CDC25C: variants seen among roughly 807,000 people sequenced by gnomAD.
CDC25C encodes the protein M-phase inducer phosphatase 3.
Under a neutral mutation model 52.5 loss-of-function variants are expected in CDC25C, and 48 were observed. That is an observed-to-expected ratio of 0.91 (90% confidence interval 0.72 to 1.16). The LOEUF is 1.16. CDC25C is among the 50% of genes most tolerant of loss of function. The pLI is 0.00. For synonymous variants in CDC25C, 187 were observed against 206.5 expected, an observed-to-expected ratio of 0.91 and a Z score of 0.81; for missense variants, 510 against 566.1, an observed-to-expected ratio of 0.90 and a Z score of 1.01.
chr5:138,315,612 G>A (rs988722845), intron 7 of CDC25C, among the ~76,000 whole-genome samples: 1 of 152,190 alleles, frequency 6.6e-6, no homozygotes. Context: ...GTGTGTATGT[G>A]ATGAGGACAT....
At chr5:138,328,584 G>GT in intron 3 of CDC25C, 55 bp from the exon 4 acceptor site, 2 of 1,441,252 alleles carry the variant, frequency 1.4e-6, no homozygotes, top group South Asian at 2.3e-5. Context: ...CATGCATCCT[G>GT]TTTTTCCTTC....
chr5:138,286,625 G>A lies in CDC25C; in HGVS notation c.1032C>T (p.Ala344=). Residue 344 remains alanine, a synonymous_variant, in exon 12 of 14, where the codon GCC becomes GCT. Coordinates refer to ENST00000323760, the MANE Select transcript of CDC25C (RefSeq NM_001790.5). ...GTTCTTCCTGACTATATAAGTTTAA[G>A]GCTCCCTGTAGAAGAAGAATTTTAG... ...YEYLGGHIQG[A]LNLYSQEELF... 2 of 1,610,400 alleles carry A rather than the reference G, an allele frequency of 1.2e-6. No individual in the cohort carries two copies. The highest frequency in any genetic ancestry group is 1.7e-6 in the Non-Finnish European group (2 of 1,178,226).
intron 7 of CDC25C, among the ~76,000 whole-genome samples, chr5:138,313,644 C>T (rs910708014): frequency 3.3e-5 from 5 of 152,084 alleles, no homozygotes; most frequent in African/African-American, 1.2e-4. Context: ...GTGTCTACTT[C>T]ATTATCAGTC....
chr5:138,315,588 C>T (rs373526577), intron 7 of CDC25C, among the ~76,000 whole-genome samples: 4 of 152,132 alleles, frequency 2.6e-5, no homozygotes, highest in African/African-American at 9.7e-5. Flanking sequence ...TCCTTCATCA[C>T]ACAGTTACCA....
intron 7 of CDC25C, among the ~76,000 whole-genome samples, chr5:138,314,800 T>A (rs1391908463): frequency 2.0e-5 from 3 of 150,424 alleles, no homozygotes; most frequent in Non-Finnish European, 3.0e-5. Flanking sequence ...TTGGTATTTT[T>A]AATAGAGACA....
At chr5:138,320,915 C>CAAAAAAAAAA (rs57923567) in intron 6 of CDC25C, among the ~76,000 whole-genome samples, 1 of 42,228 alleles carries the variant, frequency 2.4e-5, no homozygotes, top group African/African-American at 1.1e-4. Flanking sequence ...GACTCTGTCT[C>CAAAAAAAAAA]AAAAAAAAAA....
intron 9 of CDC25C, among the ~76,000 whole-genome samples, chr5:138,290,281 GA>G (rs11567995): frequency 0.028 from 4,272 of 151,878 alleles, 91 homozygotes; most frequent in Middle Eastern, 0.037. Context: ...CAGTAGGGGG[GA>G]AAAAAAGAGT....
intron 7 of CDC25C, among the ~76,000 whole-genome samples, chr5:138,300,516 T>C (rs898963791): frequency 6.6e-6 from 1 of 152,052 alleles, no homozygotes; most frequent in African/African-American, 2.4e-5. Flanking sequence ...TGAGCCGTGA[T>C]TGTGCTACTG....
intron 7 of CDC25C, among the ~76,000 whole-genome samples, chr5:138,311,248 G>A (rs569602216): frequency 1.3e-5 from 2 of 152,172 alleles, no homozygotes; most frequent in South Asian, 2.1e-4. Flanking sequence ...ACATTAACTC[G>A]AAATGAATCA....
intron 4 of CDC25C, among the ~76,000 whole-genome samples, chr5:138,327,209 C>T (rs1047710400): frequency 2.0e-5 from 3 of 150,688 alleles, no homozygotes; most frequent in East Asian, 3.9e-4. Context: ...GAGCCAAAAT[C>T]GCACCACTGC....
chr5:138,316,103 G>A (rs908568508), intron 7 of CDC25C, among the ~76,000 whole-genome samples: 1 of 152,204 alleles, frequency 6.6e-6, no homozygotes, highest in Non-Finnish European at 1.5e-5. Flanking sequence ...CCGGGAGCAG[G>A]CAGGATCCCT....
chr5:138,320,377 G>A (rs1054433341), intron 6 of CDC25C, among the ~76,000 whole-genome samples: 1 of 151,902 alleles, frequency 6.6e-6, no homozygotes, highest in African/African-American at 2.4e-5. Context: ...TGTTCATAAC[G>A]GCATTACTCA....
chr5:138,292,498 A>AAAAAACAT (rs1554113928), intron 7 of CDC25C, among the ~76,000 whole-genome samples: 8 of 151,830 alleles, frequency 5.3e-5, no homozygotes, highest in Admixed American at 3.9e-4. Context: ...AAAAAAAAAA[A>AAAAAACAT]AAAAACATAA....
At chr5:138,285,877 AC>A (rs1756170192) in intron 13 of CDC25C, 36 bp from the exon 14 acceptor site, 4 of 1,606,710 alleles carry the variant, frequency 2.5e-6, no homozygotes, top group African/African-American at 1.3e-5. Flanking sequence ...GATTCTCTAG[AC>A]TCCTGAACTC....
At chr5:138,309,685 A>G (rs1414405009) in intron 7 of CDC25C, among the ~76,000 whole-genome samples, 1 of 151,592 alleles carries the variant, frequency 6.6e-6, no homozygotes, top group Non-Finnish European at 1.5e-5. Flanking sequence ...CATGCCCTCA[A>G]ACTAACTAAA....
upstream of CDC25C, chr5:138,335,319 T>C (rs963347017): frequency 1.3e-5 from 2 of 152,308 alleles, no homozygotes; most frequent in Non-Finnish European, 2.9e-5. Context: ...GGTTTAGCTT[T>C]CACTGGGTGA....
At position 138,291,782 on chromosome 5, in the gene CDC25C, T is replaced by TTA. The variant is rs11567992; in HGVS notation, c.762+186_762+187dup. ...TATGTATCTATGTTATATAAATATT[T>TTA]TATATATATATATATATTTCACGTG... On this transcript the variant is annotated intron_variant, in intron 8 of 13. Transcript: ENST00000323760. 2.7e-3 allele frequency among the ~76,000 whole-genome samples: 395 copies of TTA among 148,064 alleles called. 4 individuals are homozygous for TTA. The highest frequency in any genetic ancestry group is 7.3e-3 in the African/African-American group (297 of 40,600).
chr5:138,316,148 G>C (rs1455463449), intron 7 of CDC25C, among the ~76,000 whole-genome samples: 1 of 152,214 alleles, frequency 6.6e-6, no homozygotes, highest in Non-Finnish European at 1.5e-5. Flanking sequence ...GCCCTCCCAG[G>C]TGCAGGACCT....
intron 7 of CDC25C, among the ~76,000 whole-genome samples, chr5:138,317,639 C>T (rs931182092): frequency 1.4e-5 from 2 of 147,362 alleles, no homozygotes; most frequent in African/African-American, 5.1e-5. Context: ...TTTAATTGTG[C>T]CACGTACCCC....
Sources: gnomAD v4.1 joint callset for allele counts (sites outside exome capture counted in the v4.1 genomes callset) on GRCh38, gnomAD v4.1.1 for gene constraint, MANE v1.5 for transcripts, NCBI Gene and HGNC (gene_info 2026-07-23, HGNC 2026-07-21) for gene names.